SEC16A: variants seen among roughly 807,000 people sequenced by gnomAD.
The protein encoded by SEC16A is protein transport protein Sec16A.
Under a neutral mutation model 221.9 loss-of-function variants are expected in SEC16A, and 110 were observed. That is an observed-to-expected ratio of 0.50 (90% CI 0.42 to 0.58). SEC16A has a LOEUF of 0.58. Ranked by LOEUF, SEC16A falls within the 20% of genes least tolerant of loss-of-function variation. The pLI, the probability that SEC16A is intolerant of heterozygous loss-of-function variation, is 0.00. For missense variants in SEC16A, 3,165 were observed against 3,097.8 expected (o/e 1.02, Z -0.52); for synonymous variants, 1,393 against 1,257.7 (o/e 1.11, Z -2.28).
intron 1 of SEC16A, among the ~76,000 whole-genome samples, chr9:136,480,959 G>A (rs148114598): frequency 2.2e-3 from 342 of 152,072 alleles, no homozygotes; most frequent in African/African-American, 7.8e-3. Context: ...CACTTACAAG[G>A]AGCATTCCAA....
At chr9:136,473,526 T>C (rs760951980) in intron 3 of SEC16A, among the ~76,000 whole-genome samples, 1 of 152,276 alleles carries the variant, frequency 6.6e-6, no homozygotes, top group African/African-American at 2.4e-5. Context: ...CACCACGTGC[T>C]GACAGCAGCT....
rs762230036 is a variant in SEC16A, at chr9:136,475,405, G to A, written c.2211C>T (p.Asn737=). The change falls in exon 3 of 32, where the codon AAC becomes AAT. Residue 737 remains asparagine (N), a synonymous_variant. Transcript: ENST00000684901. This position sits in a 1 kb window ranked among gnomAD's most constrained non-coding sequence, Gnocchi z 5.0. ...AQSELPDFGG[N]VLLAPAAPAL... ...CCGGGGCTGCAGGGGCCAGAAGGAC[G>A]TTGCCTCCAAAATCTGGCAGCTCAC... 33 of 1,610,172 alleles carry A rather than the reference G, an allele frequency of 2.0e-5. No homozygotes were observed. The East Asian group carries it at 5.4e-4, about 26-fold the overall frequency.
At position 136,475,835 on chromosome 9, in the gene SEC16A, G is replaced by A. The variant is rs753737220; in HGVS notation, c.1781C>T (p.Pro594Leu). The A allele has an allele frequency of 2.1e-5, 34 of 1,584,334 alleles. No homozygotes were observed. The highest frequency in any genetic ancestry group is 1.8e-4 in the East Asian group (8 of 43,462). ...TATTCCTGTAGGTTTCGGGGGGCTCGGGGTTGAGGGCTGGGACACGCTGCC... is the reference window on the plus strand; with the variant it reads ...TATTCCTGTAGGTTTCGGGGGGCTCAGGGTTGAGGGCTGGGACACGCTGCC... The part of the protein sequence containing the change: ...YRGSVSQPST[P>L]SPPKPTGIFQ... Residue 594 changes from proline to leucine, a missense_variant, in exon 3 of 32, where the codon CCG becomes CTG. Transcript: ENST00000684901. This position sits in a 1 kb window ranked among gnomAD's most constrained non-coding sequence, Gnocchi z 5.0.
intron 11 of SEC16A, 125 bp from the exon 12 acceptor site, chr9:136,463,257 A>C (rs1839742792): frequency 1.1e-5 from 16 of 1,406,838 alleles, no homozygotes; most frequent in Non-Finnish European, 1.5e-5. Context: ...AAGGCTGGCA[A>C]GGCTGGGCTG....
chr9:136,482,503 T>A (rs1345985423), intron 1 of SEC16A, among the ~76,000 whole-genome samples: 1 of 152,150 alleles, frequency 6.6e-6, no homozygotes, highest in Middle Eastern at 3.2e-3. Context: ...GATCGCCCAA[T>A]CAAGAAATTA....
Position 136,441,565 on chromosome 9 carries a change from A to G in SEC16A, c.*190T>C. On this transcript the variant is annotated 3_prime_UTR_variant, in exon 32 of 32. Transcript: ENST00000684901. ...TCAGTCTTTCCATCCAGAATCTGAA[A>G]GGATGGTGGAATTAATTTTCAAAAT... 15 of 580,752 alleles carry G rather than the reference A, an allele frequency of 2.6e-5. No individual in the cohort carries two copies. The South Asian group carries it at 3.1e-4, about 12-fold the overall frequency. 36.0% of individuals were successfully genotyped at this position (580,752 alleles called of 1,614,324 possible).
At chr9:136,483,413 G>T, upstream of SEC16A, 1 of 637,526 alleles carries the variant, frequency 1.6e-6, no homozygotes, top group Non-Finnish European at 1.8e-6. Context: ...GTCTTTCTCC[G>T]CCTCATCCTG....
intron 3 of SEC16A, among the ~76,000 whole-genome samples, chr9:136,472,743 G>A (rs761974706): frequency 2.6e-5 from 4 of 152,222 alleles, no homozygotes; most frequent in Admixed American, 1.3e-4. Flanking sequence ...CCGGACACAC[G>A]CCAGAATTCA....
rs1038982145 is a variant in SEC16A, at chr9:136,463,886, C to G, written c.4447-146G>C. On this transcript the variant is annotated intron_variant, in intron 9 of 31. Coordinates refer to ENST00000684901, the MANE Select transcript of SEC16A (RefSeq NM_014866.2). ...GCCCCACAGCAGGTGAAGGCTCTGT[C>G]GAGGCTGTTACATGGAACATGGCCT... 5.0e-6 allele frequency: 4 copies of G among 804,868 alleles called. No homozygotes were observed. The African/African-American group carries it at 5.1e-5, about 10-fold the overall frequency. 49.9% of individuals were successfully genotyped at this position (804,868 alleles called of 1,614,324 possible). A position where few individuals can be genotyped will look rare whatever the true frequency, so the allele number is the denominator to read the frequency against.
At position 136,476,326 on chromosome 9, in the gene SEC16A, G is replaced by A; in HGVS notation, c.1290C>T (p.Gly430=). Residue 430 remains glycine (G), a synonymous_variant, in exon 3 of 32, where the codon GGC becomes GGT. Coordinates refer to ENST00000684901, the MANE Select transcript of SEC16A (RefSeq NM_014866.2). Reference sequence around the variant, plus strand: ...CATCACCAGCAGCCTCATTGCTGGGGCCTGGGAGAAGGGCCTGGCAGAGGC... The same window carrying A: ...CATCACCAGCAGCCTCATTGCTGGGACCTGGGAGAAGGGCCTGGCAGAGGC... ...AGSLCQALLP[G]PSNEAAGDVW... The A allele has an allele frequency of 6.2e-7, 1 of 1,612,900 alleles. No homozygotes were observed.
intron 31 of SEC16A, among the ~76,000 whole-genome samples, chr9:136,442,774 T>C (rs1230443925): frequency 6.6e-6 from 1 of 152,186 alleles, no homozygotes; most frequent in African/African-American, 2.4e-5. Context: ...CTAAGGCCAC[T>C]TGCAGTTCTG....
chr9:136,462,859 C>A, intron 12 of SEC16A, 28 bp downstream of exon 12: 1 of 1,593,942 alleles, frequency 6.3e-7, no homozygotes, highest in Non-Finnish European at 8.5e-7. Context: ...CATGTGCAGG[C>A]GCCAGGTGCC....
At chr9:136,464,314 C>T (rs745521394) in intron 9 of SEC16A, 106 bp downstream of exon 9, 104 of 1,067,088 alleles carry the variant, frequency 9.7e-5, no homozygotes, top group Admixed American at 5.5e-4. Flanking sequence ...TTTCCAAGGA[C>T]GTATGTCCAG....
At chr9:136,481,268 T>C (rs1340477353) in intron 1 of SEC16A, among the ~76,000 whole-genome samples, 1 of 151,374 alleles carries the variant, frequency 6.6e-6, no homozygotes, top group Non-Finnish European at 1.5e-5. Flanking sequence ...CCAGCGTAGC[T>C]GGGACTACAG....
rs753598591 is a variant in SEC16A at position 136,474,110 on chromosome 9, T to G, written c.3506A>C (p.Tyr1169Ser). ...YYYYRPLYDA[Y>S]QPQYSLPYPP... ...GTACGGCAAAGAGTACTGAGGCTGGTAGGCATCGTACAAAGGCCGGTAGTA... is the reference window on the plus strand; with the variant it reads ...GTACGGCAAAGAGTACTGAGGCTGGGAGGCATCGTACAAAGGCCGGTAGTA... Residue 1169 changes from tyrosine (Y) to serine (S), a missense_variant, in exon 3 of 32, where the codon TAC becomes TCC. Around this residue, in one of 3 missense-constraint regions of SEC16A, gnomAD observed 2,030 missense variants for 1,923.1 expected, o/e 1.06. Coordinates refer to ENST00000684901, the MANE Select transcript of SEC16A (RefSeq NM_014866.2). 3 of 1,612,972 alleles carry G rather than the reference T, an allele frequency of 1.9e-6. No homozygotes were observed. Among genetic ancestry groups the G allele is most frequent in the Middle Eastern group, 1.8e-4 (1 of 5,540 alleles).
chr9:136,463,630 A>C, intron 10 of SEC16A, 29 bp from the exon 11 acceptor site: 1 of 1,613,706 alleles, frequency 6.2e-7, no homozygotes, highest in Middle Eastern at 1.7e-4. Flanking sequence ...GTGAGCAGTG[A>C]TGTCTGCAAG....
rs1836175682 is a variant in SEC16A, at chr9:136,441,460, G to A, written c.*295C>T. 1 of 438,602 alleles carries A rather than the reference G, an allele frequency of 2.3e-6. No homozygotes were observed. Among genetic ancestry groups the A allele is most frequent in the Non-Finnish European group, 4.2e-6 (1 of 236,302 alleles). The allele number at this position is 438,602 out of a possible 1,614,324, so 27.2% of individuals were successfully genotyped here. A position where few individuals can be genotyped will look rare whatever the true frequency, so the allele number is the denominator to read the frequency against. On this transcript the variant is annotated 3_prime_UTR_variant, in exon 32 of 32. Transcript: ENST00000684901. ...TGAATGAACATTCTTAAATGACCAG[G>A]AATACTATATCCTTAAATCATCCTA...
In SEC16A at chr9:136,447,974, A is replaced by G; in HGVS notation, c.6391-65T>C. Reference sequence around the variant, plus strand: ...ACCTAAACAGAATTAGCATCTGATTAATGATGACACTTCAAAACTTCAGGA... The same window carrying G: ...ACCTAAACAGAATTAGCATCTGATTGATGATGACACTTCAAAACTTCAGGA... On this transcript the variant is annotated intron_variant, in intron 24 of 31. Coordinates refer to ENST00000684901, the MANE Select transcript of SEC16A (RefSeq NM_014866.2). This position sits in a 1 kb window ranked among gnomAD's most constrained non-coding sequence, Gnocchi z 5.5. 4 of 1,527,970 alleles carry G rather than the reference A, an allele frequency of 2.6e-6. No individual in the cohort carries two copies. Among genetic ancestry groups the G allele is most frequent in the Non-Finnish European group, 9.0e-7 (1 of 1,116,638 alleles). The allele number at this position is 1,527,970 out of a possible 1,614,324, so 94.7% of individuals were successfully genotyped here.
At chr9:136,467,179 C>T (rs1840270809) in intron 5 of SEC16A, 96 bp from the exon 6 acceptor site, 7 of 1,399,496 alleles carry the variant, frequency 5.0e-6, no homozygotes, top group Non-Finnish European at 6.9e-6. Flanking sequence ...GGACTTTATG[C>T]TCCAAGGACT....
Sources: gnomAD v4.1 joint callset for allele counts (sites outside exome capture counted in the v4.1 genomes callset) on GRCh38, gnomAD v4.1.1 for gene constraint, gnomAD v4.1.1 regional missense constraint, Gnocchi (gnomAD v3.1) non-coding constraint, MANE v1.5 for transcripts, NCBI Gene and HGNC (gene_info 2026-07-23, HGNC 2026-07-21) for gene names.